Variants in PAX5 observed in about 807,000 individuals in gnomAD.
The protein encoded by PAX5 is paired box protein Pax-5.
PAX5 carries 9 observed loss-of-function variants against 43.7 expected under a neutral mutation model. The ratio of observed to expected loss-of-function variants is 0.21; its 90% confidence interval spans 0.12 to 0.36. The LOEUF (loss-of-function observed/expected upper bound fraction) is 0.36, where lower values mean the gene tolerates loss of function less well. Among genes scored for constraint, PAX5 ranks in the 10% least tolerant of loss-of-function variants. The pLI is 1.00. For missense variants in PAX5, 383 were observed against 532.7 expected (o/e 0.72, Z 2.77); for synonymous variants, 228 against 214.3 (o/e 1.06, Z -0.56).
chr9:36,881,869 T>C lies in PAX5; in HGVS notation c.1012+135A>G, dbSNP rs2277142. The C allele has an allele frequency of 0.072, 52,043 of 719,554 alleles. 2,025 individuals are homozygous for C. Among genetic ancestry groups the C allele is most frequent in the Middle Eastern group, 0.13 (346 of 2,704 alleles). 44.6% of individuals were successfully genotyped at this position (719,554 alleles called of 1,614,324 possible). A position where few individuals can be genotyped will look rare whatever the true frequency, so the allele number is the denominator to read the frequency against. ...CCACTGCAGGCCCAGCTGCAGAGAG[T>C]GCAGACCTCTGCCTGATTTATTCAG... On this transcript the variant is annotated intron_variant, in intron 8 of 9. Transcript: ENST00000358127.
At chr9:36,985,445 G>T (rs1465950225) in intron 5 of PAX5, among the ~76,000 whole-genome samples, 1 of 152,218 alleles carries the variant, frequency 6.6e-6, no homozygotes, top group Non-Finnish European at 1.5e-5. Flanking sequence ...GCAAGAGATC[G>T]CAAAGAAGAG....
At chr9:36,994,615 C>T (rs888621980) in intron 5 of PAX5, among the ~76,000 whole-genome samples, 1 of 152,194 alleles carries the variant, frequency 6.6e-6, no homozygotes, top group Non-Finnish European at 1.5e-5. Context: ...GCTAAGACTC[C>T]AGAAGCTCAA....
intron 7 of PAX5, among the ~76,000 whole-genome samples, chr9:36,911,346 C>G (rs1338772092): frequency 1.3e-5 from 2 of 150,810 alleles, no homozygotes; most frequent in Non-Finnish European, 3.0e-5. Flanking sequence ...TTTTTGAGAT[C>G]GGGGGGGTCT....
chr9:36,846,953 A>T (rs956411986), intron 8 of PAX5, 24 bp from the exon 9 acceptor site: 31 of 1,544,956 alleles, frequency 2.0e-5, no homozygotes, highest in African/African-American at 2.7e-5. Context: ...GTGGAGAGAG[A>T]AACAGGAACC....
intron 6 of PAX5, among the ~76,000 whole-genome samples, chr9:36,959,559 C>G (rs547101336): frequency 1.0e-3 from 157 of 152,300 alleles, no homozygotes; most frequent in African/African-American, 3.6e-3. Context: ...CACAGCCCCA[C>G]GAGGAGAGAG....
At chr9:36,949,481 T>C (rs1301219610) in intron 6 of PAX5, among the ~76,000 whole-genome samples, 1 of 152,246 alleles carries the variant, frequency 6.6e-6, no homozygotes, top group Non-Finnish European at 1.5e-5. Context: ...TCGTATTTGT[T>C]TGAGATGTGA....
intron 6 of PAX5, among the ~76,000 whole-genome samples, chr9:36,938,788 T>A (rs1246812746): frequency 6.6e-6 from 1 of 151,928 alleles, no homozygotes; most frequent in Non-Finnish European, 1.5e-5. Flanking sequence ...GTTGGGAGAG[T>A]TTAATCCAAA....
At chr9:36,926,544 C>A (rs1830652868) in intron 6 of PAX5, among the ~76,000 whole-genome samples, 1 of 152,330 alleles carries the variant, frequency 6.6e-6, no homozygotes, top group Middle Eastern at 3.4e-3. Flanking sequence ...GCATTAGCCT[C>A]CTAATTTTCT....
intron 6 of PAX5, among the ~76,000 whole-genome samples, chr9:36,925,589 G>T (rs1830583614): frequency 6.6e-6 from 1 of 152,190 alleles, no homozygotes; most frequent in Non-Finnish European, 1.5e-5. Flanking sequence ...GGGGTAACTG[G>T]TTATCCATTC....
chr9:36,998,456 C>T (rs939781280), intron 5 of PAX5, among the ~76,000 whole-genome samples: 1 of 152,178 alleles, frequency 6.6e-6, no homozygotes, highest in Non-Finnish European at 1.5e-5. Flanking sequence ...CACTCACCCT[C>T]GTTACTAATT....
intron 5 of PAX5, among the ~76,000 whole-genome samples, chr9:36,978,852 G>C (rs10973150): frequency 6.6e-6 from 1 of 152,172 alleles, no homozygotes; most frequent in African/African-American, 2.4e-5. Context: ...ATTACCCGCA[G>C]CAGGCAGCCC....
At chr9:36,928,034 C>A (rs1245973723) in intron 6 of PAX5, among the ~76,000 whole-genome samples, 2 of 152,184 alleles carry the variant, frequency 1.3e-5, no homozygotes, top group Non-Finnish European at 2.9e-5. Flanking sequence ...CCATAACCAC[C>A]TTGCAGGGCT....
At chr9:36,973,190 A>AAAC in intron 5 of PAX5, among the ~76,000 whole-genome samples, 1 of 137,928 alleles carries the variant, frequency 7.3e-6, no homozygotes, top group African/African-American at 2.6e-5. Flanking sequence ...GAAAGGAAAA[A>AAAC]CTGTGAAAAT....
chr9:36,962,935 A>T (rs903854789), intron 6 of PAX5, among the ~76,000 whole-genome samples: 11 of 152,334 alleles, frequency 7.2e-5, no homozygotes, highest in Non-Finnish European at 1.0e-4. Flanking sequence ...GGCCTGTGGA[A>T]CATTCACCTC....
At chr9:36,939,354 G>A (rs927986122) in intron 6 of PAX5, among the ~76,000 whole-genome samples, 11 of 152,078 alleles carry the variant, frequency 7.2e-5, no homozygotes, top group South Asian at 4.2e-4. Context: ...ATCCTTAGCC[G>A]TTTGGGCAGG....
chr9:36,914,117 A>G (rs1315063432), intron 7 of PAX5, among the ~76,000 whole-genome samples: 6 of 152,242 alleles, frequency 3.9e-5, no homozygotes, highest in Non-Finnish European at 8.8e-5. Flanking sequence ...CTGCAGTGCA[A>G]GAATCCCACA....
chr9:37,034,204 G>C lies in PAX5; in HGVS notation c.-173C>G, dbSNP rs1588296385. On this transcript the variant is annotated 5_prime_UTR_variant, in exon 1 of 10. Transcript: ENST00000358127. Reference sequence around the variant, plus strand: ...CCGAGCTGGGGTAGCTGATCACTGAGCTGAAACTAAACGTTTTAGGTGGAA... The same window carrying C: ...CCGAGCTGGGGTAGCTGATCACTGACCTGAAACTAAACGTTTTAGGTGGAA... The C allele has an allele frequency of 5.0e-6, 3 of 594,486 alleles. No individual in the cohort carries two copies. Among genetic ancestry groups the C allele is most frequent in the East Asian group, 2.8e-5 (1 of 35,508 alleles). 36.8% of individuals were successfully genotyped at this position (594,486 alleles called of 1,614,324 possible).
At chr9:36,921,261 C>T (rs1043143344) in intron 7 of PAX5, among the ~76,000 whole-genome samples, 1 of 152,240 alleles carries the variant, frequency 6.6e-6, no homozygotes, top group African/African-American at 2.4e-5. Context: ...CCTACCCAAT[C>T]TTCTCATAAA....
At chr9:36,895,477 A>G (rs1006320957) in intron 7 of PAX5, among the ~76,000 whole-genome samples, 1 of 152,230 alleles carries the variant, frequency 6.6e-6, no homozygotes, top group Non-Finnish European at 1.5e-5. Context: ...TTGGATTAAA[A>G]TTACTAGTTG....
Sources: allele counts gnomAD v4.1 joint callset (sites outside exome capture counted in the v4.1 genomes callset), GRCh38; gene constraint gnomAD v4.1.1; transcripts MANE v1.5; gene names NCBI Gene and HGNC (gene_info 2026-07-23, HGNC 2026-07-21).